The following RBFOX1 variants were observed in gnomAD, a reference collection of about 807,000 sequenced individuals.
RBFOX1 encodes the protein RNA binding protein fox-1 homolog 1.
Under a neutral mutation model 57.7 loss-of-function variants are expected in RBFOX1, and 8 were observed. The observed-to-expected ratio is 0.14, with a 90% CI of 0.08 to 0.25. The LOEUF is 0.25. RBFOX1 is among the 10% of genes least tolerant of loss of function. RBFOX1 has a pLI of 1.00. For missense variants in RBFOX1, 611 were observed against 548.5 expected, an observed-to-expected ratio of 1.11 and a Z score of -1.14; for synonymous variants, 326 against 222.4, an observed-to-expected ratio of 1.47 and a Z score of -4.15.
At chr16:6,746,021 A>G (rs553754906) in intron 3 of RBFOX1, among the ~76,000 whole-genome samples, 10 of 152,340 alleles carry the variant, frequency 6.6e-5, no homozygotes, top group African/African-American at 2.2e-4. Flanking sequence ...ATCATTTGCA[A>G]TAGCATTTTG....
intron 2 of RBFOX1, among the ~76,000 whole-genome samples, chr16:6,492,986 G>T (rs2095668245): frequency 6.6e-6 from 1 of 152,244 alleles, no homozygotes; most frequent in Admixed American, 6.5e-5. Flanking sequence ...GGGCAGGGAA[G>T]AGATGAAGCT....
At chr16:7,657,711 T>G (rs147394548) in intron 12 of RBFOX1, among the ~76,000 whole-genome samples, 14 of 152,376 alleles carry the variant, frequency 9.2e-5, no homozygotes, top group Middle Eastern at 3.4e-3. Context: ...GGCCCTTTTT[T>G]GTCTCACATG....
At chr16:7,248,319 A>G (rs1047327166) in intron 4 of RBFOX1, among the ~76,000 whole-genome samples, 3 of 152,212 alleles carry the variant, frequency 2.0e-5, no homozygotes, top group African/African-American at 7.2e-5. Context: ...TTCCTTGTTC[A>G]TAAAGGACCG....
At chr16:5,921,269 C>T (rs367975735) in intron 4 of RBFOX1, among the ~76,000 whole-genome samples, 3 of 152,134 alleles carry the variant, frequency 2.0e-5, no homozygotes, top group East Asian at 3.9e-4. Flanking sequence ...AGGATCTTTC[C>T]CTCTTTCGCC....
chr16:6,509,377 T>G (rs528244429), intron 2 of RBFOX1, among the ~76,000 whole-genome samples: 1 of 152,310 alleles, frequency 6.6e-6, no homozygotes, highest in African/African-American at 2.4e-5. Context: ...ATCCTGTCAT[T>G]TGCAACAACA....
chr16:6,226,712 A>T (rs898995180), intron 1 of RBFOX1, among the ~76,000 whole-genome samples: 1 of 152,124 alleles, frequency 6.6e-6, no homozygotes. Flanking sequence ...GTTTTCCATT[A>T]TCTTGCTGGC....
intron 4 of RBFOX1, among the ~76,000 whole-genome samples, chr16:5,955,337 AAAATAAAATAAAATAAATAAAAAT>A (rs2059610217): frequency 1.0e-4 from 3 of 29,504 alleles, no homozygotes; most frequent in South Asian, 9.2e-4. Flanking sequence ...AAAATAAAAT[AAAATAAAATAAAATAAATAAAAAT>A]AAAATAAAAT....
chr16:6,904,576 G>T (rs1326381150), intron 3 of RBFOX1, among the ~76,000 whole-genome samples: 1 of 137,270 alleles, frequency 7.3e-6, no homozygotes, highest in Non-Finnish European at 1.5e-5. Flanking sequence ...ACTCCAGCCT[G>T]GGTGACAGAG....
intron 4 of RBFOX1, among the ~76,000 whole-genome samples, chr16:5,968,805 T>C (rs1462113739): frequency 6.6e-6 from 1 of 152,092 alleles, no homozygotes; most frequent in East Asian, 1.9e-4. Flanking sequence ...TCTTTTCTCT[T>C]GTTTTCTCTT....
chr16:7,415,326 C>T (rs988394782), intron 4 of RBFOX1, among the ~76,000 whole-genome samples: 1 of 152,118 alleles, frequency 6.6e-6, no homozygotes, highest in Non-Finnish European at 1.5e-5. Flanking sequence ...ATATCTTCTG[C>T]CTGTGGAACC....
chr16:7,040,771 A>T (rs35069208), intron 3 of RBFOX1, among the ~76,000 whole-genome samples: 14,352 of 152,266 alleles, frequency 0.094, 1,108 homozygotes, highest in East Asian at 0.32. Context: ...CATAGACATC[A>T]TTCCTGAAAT....
chr16:7,517,740 G>A (rs1159549617), intron 4 of RBFOX1, among the ~76,000 whole-genome samples: 1 of 151,212 alleles, frequency 6.6e-6, no homozygotes, highest in African/African-American at 2.4e-5. Flanking sequence ...GGCACTTTAA[G>A]TATCAAATCA....
intron 4 of RBFOX1, among the ~76,000 whole-genome samples, chr16:7,294,754 A>G (rs1329936408): frequency 6.6e-6 from 1 of 151,176 alleles, no homozygotes; most frequent in Non-Finnish European, 1.5e-5. Flanking sequence ...CGAGGTTTAG[A>G]TATTGTAAAA....
intron 2 of RBFOX1, among the ~76,000 whole-genome samples, chr16:6,574,445 T>C (rs1373854357): frequency 3.6e-5 from 5 of 137,952 alleles, no homozygotes; most frequent in Non-Finnish European, 7.6e-5. Flanking sequence ...TTTTTTTTTT[T>C]TGAGACTGAG....
At chr16:6,855,232 A>G (rs575984614) in intron 3 of RBFOX1, among the ~76,000 whole-genome samples, 12 of 152,200 alleles carry the variant, frequency 7.9e-5, no homozygotes, top group African/African-American at 2.6e-4. Context: ...TGCAGTGAAC[A>G]TATGCATGAG....
chr16:5,679,130 A>C (rs2151432265), intron 3 of RBFOX1, among the ~76,000 whole-genome samples: 1 of 152,298 alleles, frequency 6.6e-6, no homozygotes, highest in South Asian at 2.1e-4. Flanking sequence ...CTAATTGGCA[A>C]AGAGAAACCA....
rs577741057 is a variant in RBFOX1, at chr16:6,990,584, T to A, written c.-15-61473T>A. 1.4e-4 allele frequency among the ~76,000 whole-genome samples: 21 copies of A among 152,152 alleles called. No homozygotes were observed. The South Asian group carries it at 4.4e-3, about 32-fold the overall frequency. ...AAGGATGATACTGTGTCCCATAAAA[T>A]ATATCCAAGTTTACCAAGTAGAAGT... On this transcript the variant is annotated intron_variant, in intron 3 of 15. Coordinates refer to ENST00000550418, the MANE Select transcript of RBFOX1 (RefSeq NM_018723.4).
chr16:7,490,295 G>C (rs1287394379), intron 4 of RBFOX1, among the ~76,000 whole-genome samples: 2 of 152,202 alleles, frequency 1.3e-5, no homozygotes, highest in Non-Finnish European at 2.9e-5. Context: ...TGCAGTTTCT[G>C]ATCTTGGAGC....
chr16:5,240,502 G>A (rs1037932264), intron 1 of RBFOX1, among the ~76,000 whole-genome samples: 4 of 152,294 alleles, frequency 2.6e-5, no homozygotes, highest in African/African-American at 9.6e-5. Flanking sequence ...GGGGGTAGAG[G>A]GGAAGTCCCT....
Sources: gnomAD v4.1 joint callset for allele counts (sites outside exome capture counted in the v4.1 genomes callset) on GRCh38, gnomAD v4.1.1 for gene constraint, MANE v1.5 for transcripts, NCBI Gene and HGNC (gene_info 2026-07-23, HGNC 2026-07-21) for gene names.